Variants in ZNF148 observed in about 807,000 individuals in gnomAD.
The protein encoded by ZNF148 is Beta-Enolase Repressor Factor-1.
ZNF148 carries 7 observed loss-of-function variants against 67.7 expected under a neutral mutation model. The observed-to-expected ratio is 0.10, with a 90% CI of 0.06 to 0.19. The LOEUF (loss-of-function observed/expected upper bound fraction) is 0.19. Among genes scored for constraint, ZNF148 ranks in the 10% least tolerant of loss-of-function variants. The pLI is 1.00. For missense variants in ZNF148, 583 were observed against 947.1 expected (o/e 0.62, Z 5.05); for synonymous variants, 333 against 330.7 (o/e 1.01, Z -0.08).
At chr3:125,287,747 C>T (rs1938773235) in intron 5 of ZNF148, among the ~76,000 whole-genome samples, 1 of 152,140 alleles carries the variant, frequency 6.6e-6, no homozygotes, top group Non-Finnish European at 1.5e-5. Context: ...AAGTTTACAT[C>T]CTATTAACAG....
At chr3:125,325,136 C>G (rs796086750) in intron 2 of ZNF148, among the ~76,000 whole-genome samples, 51 of 152,042 alleles carry the variant, frequency 3.4e-4, no homozygotes, top group African/African-American at 1.2e-3. Flanking sequence ...AAACTGCAAT[C>G]AACAAATAAG....
Position 125,232,439 on chromosome 3 carries a change from T to C in ZNF148, c.2287A>G (p.Ser763Gly), listed in dbSNP as rs1170117752. 4 of 1,613,580 alleles carry C rather than the reference T, an allele frequency of 2.5e-6. No homozygotes were observed. The highest frequency in any genetic ancestry group is 1.3e-5 in the African/African-American group (1 of 74,888). Residue 763 changes from serine (S) to glycine (G), a missense_variant, in exon 9 of 9, where the codon AGT (serine) becomes GGT (glycine). By Grantham distance (56) the Ser-to-Gly change is moderately conservative. Transcript: ENST00000360647. The surrounding 1 kb of genome is among the most constrained non-coding windows in gnomAD (Gnocchi z 4.2). ...AAGGGAAATTCTGAAAATTCAGCAC[T>C]TGTCCCTGGTCCCCGAAGGTTCACC... is the stretch of plus-strand genomic sequence containing the variant. ...GQVNLRGPGTSAEFSEFPLVN... is the reference protein window; with the variant it reads ...GQVNLRGPGTGAEFSEFPLVN...
At chr3:125,295,380 G>A (rs1413311536) in intron 4 of ZNF148, among the ~76,000 whole-genome samples, 1 of 151,880 alleles carries the variant, frequency 6.6e-6, no homozygotes, top group Non-Finnish European at 1.5e-5. Context: ...TTGAACCCAG[G>A]TGGCAGAGGT....
At chr3:125,302,838 T>A (rs1483845260) in intron 4 of ZNF148, among the ~76,000 whole-genome samples, 3 of 152,220 alleles carry the variant, frequency 2.0e-5, no homozygotes, top group South Asian at 2.1e-4. Flanking sequence ...AGTGACTGTA[T>A]CTGGGTGATA....
intron 7 of ZNF148, among the ~76,000 whole-genome samples, chr3:125,275,554 T>C (rs950828261): frequency 6.6e-6 from 1 of 152,248 alleles, no homozygotes; most frequent in African/African-American, 2.4e-5. Flanking sequence ...TTAACTTATG[T>C]GCACTTCTTA....
chr3:125,301,455 C>T (rs1329863273), intron 4 of ZNF148, among the ~76,000 whole-genome samples: 1 of 152,208 alleles, frequency 6.6e-6, no homozygotes, highest in Non-Finnish European at 1.5e-5. Context: ...AGTTATCACA[C>T]ATGATGACTT....
chr3:125,332,134 A>G (rs1941314899), intron 1 of ZNF148, among the ~76,000 whole-genome samples: 1 of 152,238 alleles, frequency 6.6e-6, no homozygotes, highest in African/African-American at 2.4e-5. Flanking sequence ...GGCTGTATTT[A>G]CATATGCTTT....
intron 4 of ZNF148, among the ~76,000 whole-genome samples, chr3:125,290,743 C>T (rs1395714185): frequency 4.6e-5 from 7 of 151,972 alleles, no homozygotes; most frequent in Admixed American, 1.3e-4. Flanking sequence ...TTAAAATGTA[C>T]GTGCAGGGTT....
intron 3 of ZNF148, among the ~76,000 whole-genome samples, chr3:125,317,337 CT>C (rs2107681760): frequency 6.6e-6 from 1 of 152,116 alleles, no homozygotes; most frequent in East Asian, 1.9e-4. Context: ...AAAATGAAAA[CT>C]GTATGTACTC....
chr3:125,356,501 GATTT>G (rs1243629216), intron 1 of ZNF148, among the ~76,000 whole-genome samples: 2 of 152,114 alleles, frequency 1.3e-5, no homozygotes, highest in Non-Finnish European at 2.9e-5. Flanking sequence ...TATATTTTTA[GATTT>G]ATTAAATCTA....
chr3:125,239,358 G>A (rs1488034036), intron 7 of ZNF148, among the ~76,000 whole-genome samples: 1 of 152,092 alleles, frequency 6.6e-6, no homozygotes, highest in African/African-American at 2.4e-5. Context: ...TTAAAAATAG[G>A]CAATGGATCT....
intron 3 of ZNF148, chr3:125,314,893 A>T (rs1940409395): frequency 6.6e-6 from 1 of 152,150 alleles, no homozygotes; most frequent in South Asian, 2.1e-4. Flanking sequence ...CCCCATCTCT[A>T]CAAAATAAAA....
At chr3:125,370,870 C>T (rs1015482406) in intron 1 of ZNF148, among the ~76,000 whole-genome samples, 14 of 152,146 alleles carry the variant, frequency 9.2e-5, no homozygotes, top group African/African-American at 2.9e-4. Context: ...ACCTCCTTCA[C>T]ATTAACTATA....
intron 1 of ZNF148, among the ~76,000 whole-genome samples, chr3:125,333,518 A>G (rs1430493089): frequency 1.1e-5 from 1 of 87,702 alleles, no homozygotes; most frequent in African/African-American, 5.2e-5. Context: ...CTTCTCTTCC[A>G]CTCCTCTCAA....
At chr3:125,329,344 ATTTTACATATATAAAATTTT>A (rs1296416351) in intron 2 of ZNF148, among the ~76,000 whole-genome samples, 2 of 12,638 alleles carry the variant, frequency 1.6e-4, no homozygotes, top group Non-Finnish European at 3.5e-4. Context: ...TATATATAAA[ATTTTACATATATAAAATTTT>A]TTTTTTTTTT....
intron 1 of ZNF148, among the ~76,000 whole-genome samples, chr3:125,342,284 G>C (rs1941759930): frequency 6.6e-6 from 1 of 151,564 alleles, no homozygotes; most frequent in African/African-American, 2.4e-5. Context: ...CAAATACAAA[G>C]AGGATAAGCC....
At chr3:125,332,608 C>T (rs1266455991) in intron 1 of ZNF148, among the ~76,000 whole-genome samples, 2 of 152,220 alleles carry the variant, frequency 1.3e-5, no homozygotes, top group African/African-American at 4.8e-5. Context: ...CAAGCCTCAA[C>T]CAATTACAGA....
chr3:125,230,415 T>C lies in ZNF148; in HGVS notation c.*1926A>G, dbSNP rs1935803825. On this transcript the variant is annotated 3_prime_UTR_variant, in exon 9 of 9. Coordinates refer to ENST00000360647, the MANE Select transcript of ZNF148 (RefSeq NM_021964.3). ...CTTAAATATTTACTTCAAAGAAGTC[T>C]TAAATTCTTGAAAACTTTGGCAGCA... 1.3e-5 allele frequency: 2 copies of C among 152,552 alleles called. No homozygotes were observed. The highest frequency in any genetic ancestry group is 4.1e-4 in the South Asian group (2 of 4,828). 9.4% of individuals were successfully genotyped at this position (152,552 alleles called of 1,614,324 possible). A position where few individuals can be genotyped will look rare whatever the true frequency, so the allele number is the denominator to read the frequency against.
At chr3:125,236,231 AT>A (rs971991809) in intron 7 of ZNF148, among the ~76,000 whole-genome samples, 5 of 152,058 alleles carry the variant, frequency 3.3e-5, no homozygotes, top group East Asian at 1.9e-4. Context: ...TTAAAAAAAA[AT>A]TTTTTTCTTG....
Sources: gnomAD v4.1 joint callset for allele counts (sites outside exome capture counted in the v4.1 genomes callset) on GRCh38, gnomAD v4.1.1 for gene constraint, Gnocchi (gnomAD v3.1) non-coding constraint, MANE v1.5 for transcripts, NCBI Gene and HGNC (gene_info 2026-07-23, HGNC 2026-07-21) for gene names.